ZRANB1: variants seen among roughly 807,000 people sequenced by gnomAD.
ZRANB1 encodes zinc finger RANBP2-type containing 1.
Under a neutral mutation model 80.5 loss-of-function variants are expected in ZRANB1, and 16 were observed. The ratio of observed to expected loss-of-function variants is 0.20; its 90% CI spans 0.13 to 0.30. The LOEUF is 0.30. Ranked by LOEUF, ZRANB1 falls within the 10% of genes least tolerant of loss-of-function variation. ZRANB1 has a pLI of 1.00. For missense variants in ZRANB1, 576 were observed against 862.6 expected (o/e 0.67, Z 4.16); for synonymous variants, 291 against 293.1 (o/e 0.99, Z 0.07).
chr10:124,922,281 A>AATATATATATAT, the ZRANB1 span, among the ~76,000 whole-genome samples: 72 of 87,440 alleles, frequency 8.2e-4, no homozygotes, highest in African/African-American at 3.1e-3. Context: ...ATATATGTAA[A>AATATATATATAT]ATATATATAT....
intron 1 of ZRANB1, among the ~76,000 whole-genome samples, chr10:124,960,431 C>T (rs1310569624): frequency 6.6e-6 from 1 of 152,058 alleles, no homozygotes; most frequent in East Asian, 1.9e-4. Flanking sequence ...TTCCTTGCCC[C>T]TGCTTCGTTT....
At chr10:124,931,612 C>T in the ZRANB1 span, among the ~76,000 whole-genome samples, 1 of 152,110 alleles carries the variant, frequency 6.6e-6, no homozygotes, top group African/African-American at 2.4e-5. Context: ...CTCTGGTGAT[C>T]TGCCCACCTC....
At position 124,949,496 on chromosome 10, in the gene ZRANB1, TACACAC is replaced by T. The variant is rs71964464; in HGVS notation, c.814+6211_814+6216del. 6.3e-3 allele frequency among the ~76,000 whole-genome samples: 814 copies of T among 129,224 alleles called. 15 individuals carry two copies. Among genetic ancestry groups the T allele is most frequent in the African/African-American group, 0.023 (768 of 33,742 alleles). 84.8% of individuals were successfully genotyped at this position (129,224 alleles called of 152,430 possible). On this transcript the variant is annotated intron_variant, in intron 1 of 8. Coordinates refer to ENST00000359653, the MANE Select transcript of ZRANB1 (RefSeq NM_017580.3). ...ACATATATGTATATATATTCACGTA[TACACAC>T]ACACACACACACACACACACATTTT...
chr10:124,950,881 C>A (rs1951633455), intron 1 of ZRANB1, among the ~76,000 whole-genome samples: 1 of 152,102 alleles, frequency 6.6e-6, no homozygotes, highest in African/African-American at 2.4e-5. Flanking sequence ...ATGCAGGAGG[C>A]TGGGATGGGA....
At chr10:124,928,766 T>A in the ZRANB1 span, among the ~76,000 whole-genome samples, 4 of 152,168 alleles carry the variant, frequency 2.6e-5, no homozygotes, top group Non-Finnish European at 5.9e-5. Flanking sequence ...TAGTGATAAG[T>A]GCTGTGCAGA....
chr10:124,969,393 A>G lies in ZRANB1; in HGVS notation c.1003-2572A>G, dbSNP rs529520153. Among the ~76,000 whole-genome samples, 3 of 152,308 alleles carry G rather than the reference A, an allele frequency of 2.0e-5. No individual in the cohort carries two copies. The South Asian group carries it at 6.2e-4, about 32-fold the overall frequency. On this transcript the variant is annotated intron_variant, in intron 2 of 8. Coordinates refer to ENST00000359653, the MANE Select transcript of ZRANB1 (RefSeq NM_017580.3). ...TCCAAAGGACAGAATTAAAGGGGCC[A>G]GTAGGGAGACTGGAAGTGGGGGAGT...
chr10:124,939,050 G>A (rs544383689), upstream of ZRANB1, among the ~76,000 whole-genome samples: 12 of 152,158 alleles, frequency 7.9e-5, no homozygotes, highest in East Asian at 1.7e-3. Flanking sequence ...GGTGGGATGC[G>A]CCTGTGGTCC....
At chr10:124,929,944 CA>C in the ZRANB1 span, among the ~76,000 whole-genome samples, 3,348 of 87,768 alleles carry the variant, frequency 0.038, 82 homozygotes, top group Admixed American at 0.09. Flanking sequence ...GACTCTGTCT[CA>C]AAAAAAAAAA....
At chr10:124,930,955 G>A in the ZRANB1 span, among the ~76,000 whole-genome samples, 1 of 152,218 alleles carries the variant, frequency 6.6e-6, no homozygotes, top group African/African-American at 2.4e-5. Flanking sequence ...ACTTGAGTCT[G>A]GGAGGTCGAG....
At chr10:124,952,592 C>CT (rs1164917782) in intron 1 of ZRANB1, among the ~76,000 whole-genome samples, 1 of 151,834 alleles carries the variant, frequency 6.6e-6, no homozygotes, top group African/African-American at 2.4e-5. Flanking sequence ...ATACAAATAG[C>CT]TTTTTTAAAA....
chr10:124,940,985 A>G (rs1201160150), upstream of ZRANB1, among the ~76,000 whole-genome samples: 2 of 151,344 alleles, frequency 1.3e-5, no homozygotes, highest in East Asian at 1.9e-4. Flanking sequence ...CTCCATCTCA[A>G]AAAAACAAAA....
At position 124,987,121 on chromosome 10, in the gene ZRANB1, CCAAA is replaced by C. The variant is rs1952068009; in HGVS notation, c.*2130_*2133del. 1 of 152,416 alleles carries C rather than the reference CCAAA, an allele frequency of 6.6e-6. No individual in the cohort carries two copies. 9.4% of individuals were successfully genotyped at this position (152,416 alleles called of 1,614,324 possible). Reference sequence around the variant, plus strand: ...GTTTTCATAGACTGGCTGTTAAAGGCCAAAAATTTTGGTAAATCAATGCTATATT... The same window carrying C: ...GTTTTCATAGACTGGCTGTTAAAGGCAATTTTGGTAAATCAATGCTATATT... On this transcript the variant is annotated 3_prime_UTR_variant, in exon 9 of 9. Transcript: ENST00000359653.
chr10:124,959,593 A>G (rs1223700930), intron 1 of ZRANB1, among the ~76,000 whole-genome samples: 1 of 152,008 alleles, frequency 6.6e-6, no homozygotes, highest in Non-Finnish European at 1.5e-5. Context: ...CAGTCTCCCA[A>G]GTAGCTGGGA....
rs1281088415 is a variant in ZRANB1, at chr10:124,988,007, G to C, written c.*3015G>C. ...AGGTTCACTTCCCTCCCTTGAACCA[G>C]GTCCAGGTCATTTTGCTTTGGGGTA... is the stretch of plus-strand genomic sequence containing the variant. On this transcript the variant is annotated 3_prime_UTR_variant, in exon 9 of 9. Transcript: ENST00000359653. 1 of 152,494 alleles carries C rather than the reference G, an allele frequency of 6.6e-6. No homozygotes were observed. Among genetic ancestry groups the C allele is most frequent in the Non-Finnish European group, 1.5e-5 (1 of 67,972 alleles). 9.4% of individuals were successfully genotyped at this position (152,494 alleles called of 1,614,324 possible). A position where few individuals can be genotyped will look rare whatever the true frequency, so the allele number is the denominator to read the frequency against.
chr10:124,954,140 GTTTTTTTTT>G (rs55962412), intron 1 of ZRANB1, among the ~76,000 whole-genome samples: 10 of 52,536 alleles, frequency 1.9e-4, no homozygotes, highest in Admixed American at 6.1e-4. Flanking sequence ...GCTAATTCCT[GTTTTTTTTT>G]TTTTTTTTTT....
chr10:124,953,952 TTTTCTTTTCTC>T (rs1951665156), intron 1 of ZRANB1, among the ~76,000 whole-genome samples: 1 of 151,882 alleles, frequency 6.6e-6, no homozygotes, highest in African/African-American at 2.4e-5. Context: ...TCCTTTTTTT[TTTTCTTTTCTC>T]TTTCTTTTCT....
chr10:124,958,710 G>A (rs1030936317), intron 1 of ZRANB1, among the ~76,000 whole-genome samples: 1 of 152,218 alleles, frequency 6.6e-6, no homozygotes, highest in Non-Finnish European at 1.5e-5. Flanking sequence ...CAGTTTGGGA[G>A]TCCCTGTGGA....
rs1468277498 is a variant in ZRANB1, at chr10:124,986,990, A to C, written c.*1998A>C. Reference sequence around the variant, plus strand: ...ATTATTTATTTATTTATTATCAATCAGTGACCCTGACCACATAGTGTGATA... The same window carrying C: ...ATTATTTATTTATTTATTATCAATCCGTGACCCTGACCACATAGTGTGATA... On this transcript the variant is annotated 3_prime_UTR_variant, in exon 9 of 9. Coordinates refer to ENST00000359653, the MANE Select transcript of ZRANB1 (RefSeq NM_017580.3). The C allele has an allele frequency of 6.6e-6, 1 of 152,514 alleles. No homozygotes were observed. Among genetic ancestry groups the C allele is most frequent in the East Asian group, 1.9e-4 (1 of 5,192 alleles). The allele number at this position is 152,514 out of a possible 1,614,324, so 9.4% of individuals were successfully genotyped here. A position where few individuals can be genotyped will look rare whatever the true frequency, so the allele number is the denominator to read the frequency against.
the ZRANB1 span, among the ~76,000 whole-genome samples, chr10:124,932,902 A>G: frequency 6.6e-6 from 1 of 151,406 alleles, no homozygotes; most frequent in African/African-American, 2.4e-5. Flanking sequence ...CTTATTTACC[A>G]CCTATATATA....
Sources: allele counts gnomAD v4.1 joint callset (sites outside exome capture counted in the v4.1 genomes callset), GRCh38; gene constraint gnomAD v4.1.1; transcripts MANE v1.5; gene names NCBI Gene and HGNC (gene_info 2026-07-23, HGNC 2026-07-21).